NRXN3: variants seen among roughly 807,000 people sequenced by gnomAD.
The protein encoded by NRXN3 is neurexin III.
Under a neutral mutation model 137.6 loss-of-function variants are expected in NRXN3, and 32 were observed. That is an observed-to-expected ratio of 0.23 (90% CI 0.18 to 0.31). NRXN3 has a LOEUF of 0.31. NRXN3 is among the 10% of genes least tolerant of loss of function. The pLI is 1.00. For synonymous variants in NRXN3, 798 were observed against 784.5 expected, an observed-to-expected ratio of 1.02 and a Z score of -0.29; for missense variants, 1,574 against 2,062.5, an observed-to-expected ratio of 0.76 and a Z score of 4.59.
intron 20 of NRXN3, among the ~76,000 whole-genome samples, chr14:79,814,030 T>A (rs2099244044): frequency 6.6e-6 from 1 of 152,204 alleles, no homozygotes; most frequent in African/African-American, 2.4e-5. Flanking sequence ...ATGGCCTCCA[T>A]CACAAGTGCA....
At chr14:79,472,711 G>A (rs758259131) in intron 16 of NRXN3, among the ~76,000 whole-genome samples, 3 of 152,120 alleles carry the variant, frequency 2.0e-5, no homozygotes, top group African/African-American at 4.8e-5. Flanking sequence ...TATCGCTTGC[G>A]AGTGACATCT....
intron 15 of NRXN3, among the ~76,000 whole-genome samples, chr14:79,211,064 G>A (rs1345307288): frequency 6.6e-6 from 1 of 151,984 alleles, no homozygotes; most frequent in East Asian, 1.9e-4. Context: ...CATTTCTTTG[G>A]ACAAGTATGT....
At chr14:78,171,391 A>G (rs899369406) in intron 1 of NRXN3, among the ~76,000 whole-genome samples, 1 of 151,734 alleles carries the variant, frequency 6.6e-6, no homozygotes, top group Admixed American at 6.6e-5. Flanking sequence ...TGGATCGGTT[A>G]CAAGGGAATC....
chr14:79,813,125 G>C (rs557490940), intron 20 of NRXN3, among the ~76,000 whole-genome samples: 1 of 152,234 alleles, frequency 6.6e-6, no homozygotes, highest in African/African-American at 2.4e-5. Flanking sequence ...TCAGTCATGT[G>C]TTTACACAGA....
intron 4 of NRXN3, among the ~76,000 whole-genome samples, chr14:78,339,575 G>T (rs2081927431): frequency 1.3e-5 from 2 of 152,136 alleles, no homozygotes; most frequent in African/African-American, 4.8e-5. Context: ...TGGTCAAATA[G>T]GACTGCTGAT....
chr14:78,946,060 A>G (rs145822787), intron 10 of NRXN3, among the ~76,000 whole-genome samples: 1 of 152,360 alleles, frequency 6.6e-6, no homozygotes, highest in Non-Finnish European at 1.5e-5. Context: ...AAGACAGCAA[A>G]TATTGTCAAA....
chr14:78,627,138 CT>C (rs2097471200), intron 4 of NRXN3, among the ~76,000 whole-genome samples: 1 of 114,102 alleles, frequency 8.8e-6, no homozygotes, highest in Non-Finnish European at 1.8e-5. Context: ...CTCTCTCTCT[CT>C]CTCTCATTTT....
intron 15 of NRXN3, among the ~76,000 whole-genome samples, chr14:79,110,783 T>C (rs2053349530): frequency 6.7e-6 from 1 of 148,228 alleles, no homozygotes; most frequent in Admixed American, 6.7e-5. Flanking sequence ...TATTTATTTA[T>C]TTATTTATTT....
intron 15 of NRXN3, among the ~76,000 whole-genome samples, chr14:79,092,906 T>G (rs1230229917): frequency 6.6e-6 from 1 of 152,296 alleles, no homozygotes; most frequent in East Asian, 1.9e-4. Context: ...CCCTGTTACC[T>G]TCTGAGGAGT....
chr14:79,427,244 CT>C (rs1428916346), intron 15 of NRXN3, among the ~76,000 whole-genome samples: 2 of 152,134 alleles, frequency 1.3e-5, no homozygotes, highest in African/African-American at 4.8e-5. Flanking sequence ...GTGAGGGTCT[CT>C]AGTGTACCAG....
chr14:79,293,704 C>T (rs2083556162), intron 15 of NRXN3, among the ~76,000 whole-genome samples: 1 of 152,222 alleles, frequency 6.6e-6, no homozygotes, highest in African/African-American at 2.4e-5. Flanking sequence ...TCCAAACACT[C>T]GCACTGTTTC....
intron 4 of NRXN3, among the ~76,000 whole-genome samples, chr14:78,622,354 G>T (rs763988311): frequency 7.2e-5 from 11 of 152,182 alleles, no homozygotes; most frequent in Non-Finnish European, 1.0e-4. Context: ...CAGATCTTCT[G>T]TTCTGTGATG....
intron 10 of NRXN3, among the ~76,000 whole-genome samples, chr14:78,857,089 G>A (rs1455351331): frequency 6.6e-6 from 1 of 151,856 alleles, no homozygotes; most frequent in African/African-American, 2.4e-5. Context: ...CAATGAAAAT[G>A]TTTTCATGCT....
intron 10 of NRXN3, among the ~76,000 whole-genome samples, chr14:78,833,999 T>A (rs2098989399): frequency 6.6e-6 from 1 of 152,170 alleles, no homozygotes; most frequent in African/African-American, 2.4e-5. Context: ...GAAAATATGT[T>A]GTGCAGAAGG....
chr14:79,193,516 C>G (rs536662519), intron 15 of NRXN3, among the ~76,000 whole-genome samples: 2 of 152,204 alleles, frequency 1.3e-5, no homozygotes, highest in East Asian at 3.8e-4. Context: ...GCACATTAAA[C>G]TTACGTTGCA....
At chr14:79,188,661 C>T (rs1258982653) in intron 15 of NRXN3, among the ~76,000 whole-genome samples, 1 of 152,176 alleles carries the variant, frequency 6.6e-6, no homozygotes, top group Non-Finnish European at 1.5e-5. Context: ...TTCCAAATGG[C>T]TTTGTAAGTG....
chr14:79,241,374 A>G (rs2074259707), intron 15 of NRXN3, among the ~76,000 whole-genome samples: 1 of 152,212 alleles, frequency 6.6e-6, no homozygotes, highest in South Asian at 2.1e-4. Context: ...AAAGAGGTCC[A>G]GTGGACTCAC....
intron 4 of NRXN3, among the ~76,000 whole-genome samples, chr14:78,543,697 C>T (rs1369469510): frequency 6.6e-6 from 1 of 152,070 alleles, no homozygotes; most frequent in Non-Finnish European, 1.5e-5. Flanking sequence ...TATTACATTG[C>T]TGTTGACTTT....
At chr14:78,344,722 A>G (rs2082518255) in intron 4 of NRXN3, among the ~76,000 whole-genome samples, 1 of 152,166 alleles carries the variant, frequency 6.6e-6, no homozygotes, top group African/African-American at 2.4e-5. Context: ...TGGACACGAC[A>G]TTGCTTATCA....
Sources: allele counts gnomAD v4.1 joint callset (sites outside exome capture counted in the v4.1 genomes callset), GRCh38; gene constraint gnomAD v4.1.1; transcripts MANE v1.5; gene names NCBI Gene and HGNC (gene_info 2026-07-23, HGNC 2026-07-21).